The following OSBPL5 variants were observed in gnomAD, a reference collection of about 807,000 sequenced individuals.
The protein encoded by OSBPL5 is oxysterol-binding protein-related protein 5.
OSBPL5 carries 71 observed loss-of-function variants against 111.2 expected under a neutral mutation model. The observed-to-expected ratio is 0.64, with a 90% CI of 0.53 to 0.78. OSBPL5 has a LOEUF of 0.78. OSBPL5 is among the 30% of genes least tolerant of loss of function. OSBPL5 has a pLI of 0.00. For missense variants in OSBPL5, 1,210 were observed against 1,189.3 expected (o/e 1.02, Z -0.26); for synonymous variants, 549 against 513.9 (o/e 1.07, Z -0.93).
At chr11:3,093,081 G>T in intron 17 of OSBPL5, 29 bp from the exon 18 acceptor site, 1 of 1,509,884 alleles carries the variant, frequency 6.6e-7, no homozygotes. Flanking sequence ...TCCTGAGCCA[G>T]TGGCCCGGGC....
In OSBPL5 at chr11:3,120,613, G is replaced by A. The variant is rs760839626; in HGVS notation, c.414C>T (p.Thr138=). 1.9e-6 allele frequency: 3 copies of A among 1,612,632 alleles called. No individual in the cohort carries two copies. Among genetic ancestry groups the A allele is most frequent in the Admixed American group, 1.7e-5 (1 of 60,016 alleles). The change falls in exon 6 of 22, where the codon ACC becomes ACT. Residue 138 remains threonine, a synonymous_variant. Transcript: ENST00000263650. The part of the protein sequence containing the change: ...IMADSLKIRG[T]LKSWTKLWCV... ...ACCACAGCTTGGTCCAGCTCTTCAG[G>A]GTGCCGCGGATCTGCAGGGAGGATG...
Position 3,104,350 on chromosome 11 carries a change from C to T in OSBPL5, c.1087G>A (p.Val363Met), listed in dbSNP as rs201450347. The T allele has an allele frequency of 1.2e-6, 2 of 1,612,246 alleles. No homozygotes were observed. Among genetic ancestry groups the T allele is most frequent in the African/African-American group, 1.3e-5 (1 of 75,068 alleles). Residue 363 changes from valine (V) to methionine (M), a missense_variant, in exon 10 of 22, where the codon GTG (valine) becomes ATG (methionine). Val to Met is a conservative substitution (Grantham distance 21, BLOSUM62 1). Transcript: ENST00000263650. This position sits in a 1 kb window ranked among gnomAD's most constrained non-coding sequence, Gnocchi z 5.0. ...ELGEASQVETVSEENKSLMWT... is the reference protein window; with the variant it reads ...ELGEASQVETMSEENKSLMWT... ...ATCAGACTCTTGTTCTCCTCTGACA[C>T]TGTCTCCACCTGGGACGCCTCGCCC...
Position 3,106,434 on chromosome 11 carries a change from G to A in OSBPL5, c.1059+829C>T, listed in dbSNP as rs891846346. Reference sequence around the variant, plus strand: ...GAGCGCAGCCCCCACCCCAGAGCCCGGCTTCCTCAGCCTGCACCCGTCACC... The same window carrying A: ...GAGCGCAGCCCCCACCCCAGAGCCCAGCTTCCTCAGCCTGCACCCGTCACC... On this transcript the variant is annotated intron_variant, in intron 9 of 21. Transcript: ENST00000263650. The surrounding 1 kb of genome is among the most constrained non-coding windows in gnomAD (Gnocchi z 8.4). Among the ~76,000 whole-genome samples the A allele has an allele frequency of 8.4e-5, 12 of 143,086 alleles. No individual in the cohort carries two copies. The highest frequency in any genetic ancestry group is 2.2e-4 in the East Asian group (1 of 4,506). The allele number at this position is 143,086 out of a possible 152,430, so 93.9% of individuals were successfully genotyped here.
intron 14 of OSBPL5, among the ~76,000 whole-genome samples, chr11:3,097,104 T>TGGGAGAAGGAGAGGAAAGAGGGGGAAGAC (rs1857295802): frequency 7.9e-5 from 1 of 12,700 alleles, no homozygotes; most frequent in Non-Finnish European, 1.9e-4. Context: ...AGGGGGAAGA[T>TGGGAGAAGGAGAGGAAAGAGGGGGAAGAC]GGGAGGAGGA....
At position 3,140,911 on chromosome 11, in the gene OSBPL5, C is replaced by G. The variant is rs1846090339; in HGVS notation, c.-21-11742G>C. 6.6e-6 allele frequency among the ~76,000 whole-genome samples: 1 copy of G among 151,366 alleles called. No individual in the cohort carries two copies. The highest frequency in any genetic ancestry group is 2.1e-4 in the South Asian group (1 of 4,774). On this transcript the variant is annotated intron_variant, in intron 1 of 21. Transcript: ENST00000263650. The surrounding 1 kb of genome is among the most constrained non-coding windows in gnomAD (Gnocchi z 4.5). Reference sequence around the variant, plus strand: ...CCCATGGGTGTGACAGCCCAGGGGGCCCTGGGGCCAGGTGACCACCTCAGA... The same window carrying G: ...CCCATGGGTGTGACAGCCCAGGGGGGCCTGGGGCCAGGTGACCACCTCAGA...
chr11:3,145,026 G>A (rs1386395281), intron 1 of OSBPL5, among the ~76,000 whole-genome samples: 1 of 152,228 alleles, frequency 6.6e-6, no homozygotes, highest in Non-Finnish European at 1.5e-5. Flanking sequence ...GCCCAGCGGA[G>A]GCCTTTGGGG....
chr11:3,133,441 C>T lies in OSBPL5; in HGVS notation c.-21-4272G>A, dbSNP rs569275748. ...CCCTGCACTGCCTGCGGGGAAGCCC[C>T]GGGCCACGCTCCGGCCACCAAGGAC... On this transcript the variant is annotated intron_variant, in intron 1 of 21. Coordinates refer to ENST00000263650, the MANE Select transcript of OSBPL5 (RefSeq NM_020896.4). Among the ~76,000 whole-genome samples the T allele has an allele frequency of 1.2e-4, 19 of 152,370 alleles. No homozygotes were observed. The South Asian group carries it at 2.1e-3, about 17-fold the overall frequency.
chr11:3,155,735 C>T (rs1240418345), intron 1 of OSBPL5, among the ~76,000 whole-genome samples: 2 of 152,254 alleles, frequency 1.3e-5, no homozygotes, highest in Non-Finnish European at 2.9e-5. Context: ...GCCACTACGC[C>T]GACAGTTCAC....
intron 7 of OSBPL5, among the ~76,000 whole-genome samples, chr11:3,114,857 T>C (rs943135957): frequency 6.6e-6 from 1 of 151,984 alleles, no homozygotes; most frequent in Non-Finnish European, 1.5e-5. Context: ...TGCCTCGGCC[T>C]CCCAAAAGTG....
chr11:3,089,233 G>A (rs1301493582), intron 21 of OSBPL5, among the ~76,000 whole-genome samples: 1 of 152,216 alleles, frequency 6.6e-6, no homozygotes, highest in Non-Finnish European at 1.5e-5. Context: ...CTGGGGTACT[G>A]CTATCAAGCC....
rs374221438 is a variant in OSBPL5, at chr11:3,107,458, G to A, written c.867-3C>T. The A allele has an allele frequency of 2.5e-6, 4 of 1,613,892 alleles. No individual in the cohort carries two copies. The highest frequency in any genetic ancestry group is 3.4e-6 in the Non-Finnish European group (4 of 1,179,888). On this transcript the variant is annotated splice_region_variant and splice_polypyrimidine_tract_variant and intron_variant, in intron 8 of 21. Coordinates refer to ENST00000263650, the MANE Select transcript of OSBPL5 (RefSeq NM_020896.4). The surrounding 1 kb of genome is among the most constrained non-coding windows in gnomAD (Gnocchi z 6.1). ...TCTCCAGGGAAGACCCGTTCAGTCT[G>A]GAAGGTGGATGGTGCCAGTGGGTCC...
intron 1 of OSBPL5, among the ~76,000 whole-genome samples, chr11:3,138,522 C>T (rs887142306): frequency 1.3e-5 from 2 of 152,210 alleles, no homozygotes; most frequent in Non-Finnish European, 2.9e-5. Flanking sequence ...ATCTCAAACC[C>T]GCCACGCTGA....
rs993288072 is a variant in OSBPL5, at chr11:3,154,927, T to A, written c.-22+10289A>T. Among the ~76,000 whole-genome samples, 2 of 151,246 alleles carry A rather than the reference T, an allele frequency of 1.3e-5. No individual in the cohort carries two copies. The highest frequency in any genetic ancestry group is 4.9e-5 in the African/African-American group (2 of 40,686). ...ACTTAAAGTATAATAATAATAATAA[T>A]AATAAAAAGAGCCCATTAAATTAAA... On this transcript the variant is annotated intron_variant, in intron 1 of 21. Coordinates refer to ENST00000263650, the MANE Select transcript of OSBPL5 (RefSeq NM_020896.4). The surrounding 1 kb of genome is among the most constrained non-coding windows in gnomAD (Gnocchi z 4.9).
chr11:3,096,981 G>GAT (rs1857281119), intron 14 of OSBPL5, among the ~76,000 whole-genome samples: 2 of 146,300 alleles, frequency 1.4e-5, no homozygotes, highest in East Asian at 2.1e-4. Context: ...AGAGGGGGAA[G>GAT]GTGGGAGGAG....
rs1218471408 is a variant in OSBPL5 at position 3,104,528 on chromosome 11, C to T, written c.1060-151G>A. ...GGCCTCCATGGCCTCATGAGGCTGACTCAGCCCCATCAGATGTGAACTCTT... is the reference window on the plus strand; with the variant it reads ...GGCCTCCATGGCCTCATGAGGCTGATTCAGCCCCATCAGATGTGAACTCTT... On this transcript the variant is annotated intron_variant, in intron 9 of 21. Coordinates refer to ENST00000263650, the MANE Select transcript of OSBPL5 (RefSeq NM_020896.4). This position sits in a 1 kb window ranked among gnomAD's most constrained non-coding sequence, Gnocchi z 5.0. 2 of 787,364 alleles carry T rather than the reference C, an allele frequency of 2.5e-6. No homozygotes were observed. The highest frequency in any genetic ancestry group is 3.9e-6 in the Non-Finnish European group (2 of 511,432). 48.8% of individuals were successfully genotyped at this position (787,364 alleles called of 1,614,324 possible). A position where few individuals can be genotyped will look rare whatever the true frequency, so the allele number is the denominator to read the frequency against.
intron 1 of OSBPL5, among the ~76,000 whole-genome samples, chr11:3,164,835 G>C (rs1847065505): frequency 6.6e-6 from 1 of 152,180 alleles, no homozygotes; most frequent in African/African-American, 2.4e-5. Flanking sequence ...GCCAGGGTTT[G>C]TGGTGGTCAG....
chr11:3,118,693 T>C (rs949045127), intron 7 of OSBPL5, among the ~76,000 whole-genome samples: 3 of 150,232 alleles, frequency 2.0e-5, no homozygotes, highest in Admixed American at 6.7e-5. Context: ...TGCCTCAGCC[T>C]CCTGAGTAGT....
At position 3,141,451 on chromosome 11, in the gene OSBPL5, C is replaced by T. The variant is rs956067984; in HGVS notation, c.-21-12282G>A. ...CAGAACAGAGCTTCCAGAAGGGCCCCCAATCTGTCTCTCAGGAAATGGGGG... is the reference window on the plus strand; with the variant it reads ...CAGAACAGAGCTTCCAGAAGGGCCCTCAATCTGTCTCTCAGGAAATGGGGG... On this transcript the variant is annotated intron_variant, in intron 1 of 21. Coordinates refer to ENST00000263650, the MANE Select transcript of OSBPL5 (RefSeq NM_020896.4). The surrounding 1 kb of genome is among the most constrained non-coding windows in gnomAD (Gnocchi z 6.5). 2.6e-5 allele frequency among the ~76,000 whole-genome samples: 4 copies of T among 152,114 alleles called. No individual in the cohort carries two copies. Among genetic ancestry groups the T allele is most frequent in the Admixed American group, 2.6e-4 (4 of 15,272 alleles).
intron 1 of OSBPL5, among the ~76,000 whole-genome samples, chr11:3,159,389 A>G (rs1235171138): frequency 6.6e-6 from 1 of 152,194 alleles, no homozygotes; most frequent in East Asian, 1.9e-4. Context: ...GCTCGCTGGT[A>G]GGGAGTGTGC....
Sources: allele counts gnomAD v4.1 joint callset (sites outside exome capture counted in the v4.1 genomes callset), GRCh38; gene constraint gnomAD v4.1.1; non-coding constraint Gnocchi (gnomAD v3.1); transcripts MANE v1.5; gene names NCBI Gene and HGNC (gene_info 2026-07-23, HGNC 2026-07-21).